Variants in FANK1 observed in about 807,000 individuals in gnomAD.
The protein encoded by FANK1 is fibronectin type III and ankyrin repeat domains 1.
A neutral mutation model predicts 45.3 loss-of-function variants in FANK1; 44 were observed. The ratio of observed to expected loss-of-function variants is 0.97; its 90% CI spans 0.76 to 1.25. FANK1 has a LOEUF of 1.25. Among genes scored for constraint, FANK1 ranks in the 50% most tolerant of loss-of-function variants. The pLI is 0.00. For missense variants in FANK1, 391 were observed against 424.4 expected, an observed-to-expected ratio of 0.92 and a Z score of 0.69; for synonymous variants, 149 against 152.5, an observed-to-expected ratio of 0.98 and a Z score of 0.17.
rs1564843626 is a variant in FANK1 at position 125,898,018 on chromosome 10, A to AAAAAG, written c.13+1367_13+1368insGAAAA. Among the ~76,000 whole-genome samples, 17 of 134,748 alleles carry AAAAAG rather than the reference A, an allele frequency of 1.3e-4. 3 individuals carry two copies. Among genetic ancestry groups the AAAAAG allele is most frequent in the Admixed American group, 2.9e-4 (4 of 13,704 alleles). 88.4% of individuals were successfully genotyped at this position (134,748 alleles called of 152,430 possible). Reference sequence around the variant, plus strand: ...AAATACAAAAAAAAAAAAAAAAAAAAAAAAAAAAAAAAAAAAGCCAGGTGT... The same window carrying AAAAAG: ...AAATACAAAAAAAAAAAAAAAAAAAAAAAAGAAAAAAAAAAAAAAAAGCCAGGTGT... On this transcript the variant is annotated intron_variant, in intron 1 of 10. Coordinates refer to ENST00000368693, the MANE Select transcript of FANK1 (RefSeq NM_145235.5).
At chr10:125,988,929 G>A in intron 3 of FANK1, 1 of 591,316 alleles carries the variant, frequency 1.7e-6, no homozygotes, top group Non-Finnish European at 3.0e-6. Context: ...CAGCACAAAA[G>A]GGTGGAGTCA....
At chr10:125,952,642 T>A (rs1219025379) in intron 1 of FANK1, among the ~76,000 whole-genome samples, 1 of 151,974 alleles carries the variant, frequency 6.6e-6, no homozygotes. Flanking sequence ...ATGAAAATGT[T>A]CCTCGATGTC....
At chr10:125,971,155 T>C (rs1392086417) in intron 1 of FANK1, among the ~76,000 whole-genome samples, 3 of 152,186 alleles carry the variant, frequency 2.0e-5, no homozygotes, top group African/African-American at 7.2e-5. Flanking sequence ...ATCTATGAGC[T>C]ATCTTGCTAA....
At chr10:125,981,808 C>T (rs971500248) in intron 2 of FANK1, among the ~76,000 whole-genome samples, 1 of 152,186 alleles carries the variant, frequency 6.6e-6, no homozygotes, top group African/African-American at 2.4e-5. Flanking sequence ...AGATGCAGAA[C>T]AGGTTCATCA....
At chr10:125,977,876 T>C (rs1376127273) in intron 1 of FANK1, among the ~76,000 whole-genome samples, 1 of 151,402 alleles carries the variant, frequency 6.6e-6, no homozygotes, top group Non-Finnish European at 1.5e-5. Context: ...GAGTCTTTGC[T>C]CCTTTGTTAG....
chr10:125,919,195 A>ATTTTTTTTTTTTTTTGTTTTTTTTTTTT (rs1946741004), intron 1 of FANK1, among the ~76,000 whole-genome samples: 1 of 51,862 alleles, frequency 1.9e-5, no homozygotes, highest in Non-Finnish European at 3.4e-5. Context: ...GGAGGTAAGA[A>ATTTTTTTTTTTTTTTGTTTTTTTTTTTT]TTTTTTTTTT....
chr10:125,969,916 C>T (rs1296371695), intron 1 of FANK1, among the ~76,000 whole-genome samples: 3 of 152,160 alleles, frequency 2.0e-5, no homozygotes, highest in Admixed American at 6.5e-5. Flanking sequence ...TGACACAGCA[C>T]ATGTTTCAGA....
chr10:125,954,610 T>G (rs1949459559), intron 1 of FANK1, among the ~76,000 whole-genome samples: 1 of 152,104 alleles, frequency 6.6e-6, no homozygotes, highest in South Asian at 2.1e-4. Context: ...GCAAAATTGA[T>G]TTTTCATTTT....
At chr10:125,953,178 A>T (rs1420338837) in intron 1 of FANK1, among the ~76,000 whole-genome samples, 2 of 152,078 alleles carry the variant, frequency 1.3e-5, no homozygotes, top group Non-Finnish European at 2.9e-5. Context: ...TAAGCCAGGA[A>T]CCCTGCTTTG....
intron 1 of FANK1, among the ~76,000 whole-genome samples, chr10:125,967,690 A>G (rs1950267150): frequency 6.6e-6 from 1 of 152,180 alleles, no homozygotes; most frequent in Admixed American, 6.5e-5. Flanking sequence ...TGCAGCCTCA[A>G]CCTCCTGGGC....
chr10:125,949,457 T>C (rs545727200), intron 1 of FANK1, among the ~76,000 whole-genome samples: 572 of 152,198 alleles, frequency 3.8e-3, no homozygotes, highest in African/African-American at 6.9e-3. Flanking sequence ...AAATCACAAG[T>C]ATTCTTATAC....
At chr10:125,943,343 A>G (rs1948573688) in intron 1 of FANK1, among the ~76,000 whole-genome samples, 1 of 152,228 alleles carries the variant, frequency 6.6e-6, no homozygotes, top group Non-Finnish European at 1.5e-5. Context: ...ATATTGACAT[A>G]TAATTAATAT....
At position 125,980,264 on chromosome 10, in the gene FANK1, A is replaced by T; in HGVS notation, c.117A>T (p.Gly39=). ...WDLEKKAKRQ[G]PQEQWFRFSI... ...TGGAAAAGAAAGCCAAACGCCAAGG[A>T]CCTCAAGAGCAGTGGTTCAGGTTCT... The change falls in exon 2 of 11, where the codon GGA becomes GGT. Residue 39 remains glycine (G), a synonymous_variant. Coordinates refer to ENST00000368693, the MANE Select transcript of FANK1 (RefSeq NM_145235.5). 1 of 1,614,174 alleles carries T rather than the reference A, an allele frequency of 6.2e-7. No homozygotes were observed. Among genetic ancestry groups the T allele is most frequent in the Non-Finnish European group, 8.5e-7 (1 of 1,180,030 alleles).
In FANK1 at chr10:125,997,577, A is replaced by T; in HGVS notation, c.539+92A>T. On this transcript the variant is annotated intron_variant, in intron 6 of 10. Transcript: ENST00000368693. Reference sequence around the variant, plus strand: ...AGAGGGGTTGTGATTTCACCAAAACATTGTCTTGAGTTTGACAGTCCTGAG... The same window carrying T: ...AGAGGGGTTGTGATTTCACCAAAACTTTGTCTTGAGTTTGACAGTCCTGAG... 5 of 1,219,656 alleles carry T rather than the reference A, an allele frequency of 4.1e-6. 1 individual carries two copies. The South Asian group carries it at 7.1e-5, about 17-fold the overall frequency. The allele number at this position is 1,219,656 out of a possible 1,614,324, so 75.6% of individuals were successfully genotyped here. A position where few individuals can be genotyped will look rare whatever the true frequency, so the allele number is the denominator to read the frequency against.
At chr10:125,936,793 C>T (rs1399629534) in intron 1 of FANK1, among the ~76,000 whole-genome samples, 1 of 152,012 alleles carries the variant, frequency 6.6e-6, no homozygotes, top group East Asian at 1.9e-4. Flanking sequence ...CTAGGCTGGG[C>T]GTGGTGGCTC....
chr10:125,918,587 T>A (rs199844354), intron 1 of FANK1, among the ~76,000 whole-genome samples: 14,590 of 38,314 alleles, frequency 0.38, 2,683 homozygotes, highest in Non-Finnish European at 0.49. Flanking sequence ...AAAAAAAAAA[T>A]ATATATATAT....
chr10:125,950,987 G>T (rs369923616), intron 1 of FANK1, among the ~76,000 whole-genome samples: 1 of 148,598 alleles, frequency 6.7e-6, no homozygotes, highest in Non-Finnish European at 1.5e-5. Flanking sequence ...GTAAACTATC[G>T]CAAGAACAAA....
At chr10:125,948,407 A>G (rs976970312) in intron 1 of FANK1, among the ~76,000 whole-genome samples, 6 of 152,148 alleles carry the variant, frequency 3.9e-5, no homozygotes, top group African/African-American at 1.4e-4. Context: ...TCAAATAGAC[A>G]CAATAAAAAA....
At chr10:125,988,376 T>C (rs112381997) in intron 2 of FANK1, among the ~76,000 whole-genome samples, 175 bp from the exon 3 acceptor site, 2,538 of 152,244 alleles carry the variant, frequency 0.017, 75 homozygotes, top group African/African-American at 0.056. Flanking sequence ...TGGATAGGGA[T>C]GGGGCGCCAT....
Sources: gnomAD v4.1 joint callset for allele counts (sites outside exome capture counted in the v4.1 genomes callset) on GRCh38, gnomAD v4.1.1 for gene constraint, MANE v1.5 for transcripts, NCBI Gene and HGNC (gene_info 2026-07-23, HGNC 2026-07-21) for gene names.